POP1: variants seen among roughly 807,000 people sequenced by gnomAD.
POP1 encodes POP1 ribonuclease P/MRP subunit.
A neutral mutation model predicts 102.2 loss-of-function variants in POP1; 75 were observed. The observed-to-expected ratio is 0.73, with a 90% confidence interval of 0.61 to 0.89. The LOEUF is 0.89. Among genes scored for constraint, POP1 ranks in the 40% least tolerant of loss-of-function variants. POP1 has a pLI of 0.00. For missense variants in POP1, 1,116 were observed against 1,267.4 expected (o/e 0.88, Z 1.81); for synonymous variants, 436 against 464.1 (o/e 0.94, Z 0.78).
chr8:98,136,472 A>G lies in POP1; in HGVS notation c.1012-10A>G, dbSNP rs770223295. The G allele has an allele frequency of 1.9e-6, 3 of 1,599,466 alleles. No individual in the cohort carries two copies. The highest frequency in any genetic ancestry group is 1.3e-5 in the African/African-American group (1 of 74,302). On this transcript the variant is annotated splice_polypyrimidine_tract_variant and intron_variant, in intron 7 of 15. Coordinates refer to ENST00000401707, the MANE Select transcript of POP1 (RefSeq NM_001145860.2). ...AAGATTTTAAAGTGAATGTTTAAAT[A>G]TATTTTTAGGATATCTTAGAGGAAA... is the stretch of plus-strand genomic sequence containing the variant.
At chr8:98,145,671 C>T (rs1240393324) in intron 11 of POP1, among the ~76,000 whole-genome samples, 3 of 152,002 alleles carry the variant, frequency 2.0e-5, no homozygotes, top group Non-Finnish European at 2.9e-5. Flanking sequence ...TTTGGGAGGC[C>T]GAGGCAGGTG....
chr8:98,121,266 G>A (rs1234255275), intron 1 of POP1, among the ~76,000 whole-genome samples: 1 of 152,194 alleles, frequency 6.6e-6, no homozygotes, highest in African/African-American at 2.4e-5. Context: ...TTAATTTTGT[G>A]TGAGGTCTTG....
intron 9 of POP1, among the ~76,000 whole-genome samples, chr8:98,138,516 C>G (rs887196699): frequency 6.6e-6 from 1 of 152,164 alleles, no homozygotes; most frequent in Non-Finnish European, 1.5e-5. Flanking sequence ...TTCCTGATCC[C>G]CCAAGTTAAA....
chr8:98,132,250 G>C (rs1586233874), intron 5 of POP1, among the ~76,000 whole-genome samples: 1 of 152,172 alleles, frequency 6.6e-6, no homozygotes, highest in Admixed American at 6.5e-5. Flanking sequence ...CCATTTTACA[G>C]ATGGGGAAAC....
At chr8:98,136,337 A>G in intron 7 of POP1, 145 bp from the exon 8 acceptor site, 2 of 833,188 alleles carry the variant, frequency 2.4e-6, no homozygotes, top group Non-Finnish European at 1.8e-6. Context: ...CGGCCTCCCA[A>G]AGTGCTGGGA....
At position 98,139,473 on chromosome 8, in the gene POP1, C is replaced by T. The variant is rs147531486; in HGVS notation, c.1363-605C>T. ...GTGTGGCTCACACCTGAAATCCCAG[C>T]TCTTTGGGAGGCTGAGGTGGGTTGA... On this transcript the variant is annotated intron_variant, in intron 9 of 15. Transcript: ENST00000401707. Among the ~76,000 whole-genome samples, 465 of 152,256 alleles carry T rather than the reference C, an allele frequency of 3.1e-3. 8 individuals carry two copies. In the East Asian group the frequency reaches 0.031, roughly 10 times the overall value.
chr8:98,148,755 C>G (rs1199131827), intron 12 of POP1, 60 bp from the exon 13 acceptor site: 2 of 1,459,440 alleles, frequency 1.4e-6, no homozygotes, highest in Non-Finnish European at 1.9e-6. Flanking sequence ...ATAGGGAGAC[C>G]CAGGAGGATC....
chr8:98,140,251 G>C (rs1377281578), intron 10 of POP1, 62 bp downstream of exon 10: 2 of 1,337,114 alleles, frequency 1.5e-6, no homozygotes, highest in Non-Finnish European at 2.1e-6. Flanking sequence ...GCCTTTTGCA[G>C]TTGGGCCTCC....
intron 4 of POP1, among the ~76,000 whole-genome samples, chr8:98,128,748 G>C (rs575745250): frequency 6.6e-6 from 1 of 152,146 alleles, no homozygotes; most frequent in South Asian, 2.1e-4. Flanking sequence ...GCCTAACCTT[G>C]TCTCTACAAA....
At chr8:98,126,142 T>C (rs1308992336) in intron 2 of POP1, among the ~76,000 whole-genome samples, 1 of 151,896 alleles carries the variant, frequency 6.6e-6, no homozygotes, top group Non-Finnish European at 1.5e-5. Context: ...AGCCACCACA[T>C]CCATCCTGGA....
intron 7 of POP1, among the ~76,000 whole-genome samples, chr8:98,135,848 C>T (rs144201767): frequency 1.2e-3 from 188 of 152,042 alleles, no homozygotes; most frequent in African/African-American, 4.5e-3. Flanking sequence ...TACAGGGGTG[C>T]ACCACCTTGT....
chr8:98,140,909 C>A (rs1378363670), intron 11 of POP1, 21 bp downstream of exon 11: 2 of 1,612,808 alleles, frequency 1.2e-6, no homozygotes, highest in Non-Finnish European at 1.7e-6. Flanking sequence ...AAAAACACCC[C>A]AGGTTTTCCT....
chr8:98,151,288 C>T (rs1203509278), intron 14 of POP1, among the ~76,000 whole-genome samples: 1 of 152,120 alleles, frequency 6.6e-6, no homozygotes, highest in Non-Finnish European at 1.5e-5. Context: ...CACCATGTTG[C>T]CCAGGCTGGT....
chr8:98,133,818 T>A lies in POP1; in HGVS notation c.736-131T>A. 1.0e-5 allele frequency: 8 copies of A among 767,782 alleles called. 1 individual carries two copies. Among genetic ancestry groups the A allele is most frequent in the Non-Finnish European group, 9.4e-6 (4 of 423,674 alleles). 47.6% of individuals were successfully genotyped at this position (767,782 alleles called of 1,614,324 possible). Reference sequence around the variant, plus strand: ...AGGAGAAGGTTTAGATTTTGACTTATGAGAACATAGCTTTAGCAATTTGTT... The same window carrying A: ...AGGAGAAGGTTTAGATTTTGACTTAAGAGAACATAGCTTTAGCAATTTGTT... On this transcript the variant is annotated intron_variant, in intron 5 of 15. Coordinates refer to ENST00000401707, the MANE Select transcript of POP1 (RefSeq NM_001145860.2).
At chr8:98,128,317 T>C in intron 3 of POP1, 48 bp from the exon 4 acceptor site, 1 of 1,582,794 alleles carries the variant, frequency 6.3e-7, no homozygotes, top group Non-Finnish European at 8.7e-7. Flanking sequence ...TATTCTCCAA[T>C]GTTAATTCAA....
At chr8:98,124,398 CT>C (rs1816132975) in intron 2 of POP1, among the ~76,000 whole-genome samples, 1 of 152,032 alleles carries the variant, frequency 6.6e-6, no homozygotes, top group South Asian at 2.1e-4. Context: ...TCCGTCTCTA[CT>C]AGAAATACAA....
At position 98,134,520 on chromosome 8, in the gene POP1, G is replaced by C; in HGVS notation, c.872G>C (p.Ser291Thr). The C allele has an allele frequency of 6.2e-7, 1 of 1,614,194 alleles. No homozygotes were observed. The highest frequency in any genetic ancestry group is 8.5e-7 in the Non-Finnish European group (1 of 1,180,024). ...TGCTTGTCTGGAAAGCGCCAAGGGA[G>C]CCTTGTGCTTTATCGGGTGAATAAA... ...VHCLSGKRQG[S>T]LVLYRVNKYP... Residue 291 changes from serine to threonine, a missense_variant, in exon 7 of 16, where the codon AGC becomes ACC. Ser to Thr is a moderately conservative substitution (Grantham distance 58). Coordinates refer to ENST00000401707, the MANE Select transcript of POP1 (RefSeq NM_001145860.2).
At position 98,158,467 on chromosome 8, in the gene POP1, C is replaced by T; in HGVS notation, c.*196C>T. 1.6e-6 allele frequency: 1 copy of T among 644,282 alleles called. No homozygotes were observed. Among genetic ancestry groups the T allele is most frequent in the South Asian group, 1.9e-5 (1 of 52,324 alleles). The allele number at this position is 644,282 out of a possible 1,614,324, so 39.9% of individuals were successfully genotyped here. On this transcript the variant is annotated 3_prime_UTR_variant, in exon 16 of 16. Coordinates refer to ENST00000401707, the MANE Select transcript of POP1 (RefSeq NM_001145860.2). ...GTCATTGATTTTCATCTTTCCCTGT[C>T]CTTGCTGTAATACTTTTAAATTATT...
rs1266484695 is a variant in POP1 at position 98,136,711 on chromosome 8, T to C, written c.1241T>C (p.Ile414Thr). 1 of 1,614,002 alleles carries C rather than the reference T, an allele frequency of 6.2e-7. No individual in the cohort carries two copies. Among genetic ancestry groups the C allele is most frequent in the East Asian group, 2.2e-5 (1 of 44,880 alleles). The change falls in exon 8 of 16, where the codon ATC becomes ACC. Residue 414 changes from isoleucine to threonine, a missense_variant. Ile to Thr is a moderately conservative substitution (Grantham distance 89). Transcript: ENST00000401707. ...TRDPCLPYSWISPTTGIIISD... is the reference protein window; with the variant it reads ...TRDPCLPYSWTSPTTGIIISD... Reference sequence around the variant, plus strand: ...GATCCATGTCTACCATACTCTTGGATCTCTCCAACCACAGGCATTATAATC... The same window carrying C: ...GATCCATGTCTACCATACTCTTGGACCTCTCCAACCACAGGCATTATAATC...
Sources: allele counts gnomAD v4.1 joint callset (sites outside exome capture counted in the v4.1 genomes callset), GRCh38; gene constraint gnomAD v4.1.1; transcripts MANE v1.5; gene names NCBI Gene and HGNC (gene_info 2026-07-23, HGNC 2026-07-21).